Variants in PRR35 observed in about 807,000 individuals in gnomAD.
The protein encoded by PRR35 is proline-rich protein 35.
Under a neutral mutation model 18.6 loss-of-function variants are expected in PRR35, and 14 were observed. That is an observed-to-expected ratio of 0.75 (90% CI 0.50 to 1.18). The LOEUF is 1.18. PRR35 is among the 50% of genes most tolerant of loss of function. The pLI is 0.00. For synonymous variants in PRR35, 425 were observed against 378.2 expected, an observed-to-expected ratio of 1.12 and a Z score of -1.43; for missense variants, 832 against 792.2, an observed-to-expected ratio of 1.05 and a Z score of -0.60.
chr16:563,240 G>A lies in PRR35; in HGVS notation c.-39-16G>A. ...GTCAGAGGCAGGCTTGGCACTGACTGTGGCCCCATCTACAGGTGGCCATGG... is the reference window on the plus strand; with the variant it reads ...GTCAGAGGCAGGCTTGGCACTGACTATGGCCCCATCTACAGGTGGCCATGG... On this transcript the variant is annotated splice_polypyrimidine_tract_variant and intron_variant, in intron 1 of 2. Transcript: ENST00000409413. The A allele has an allele frequency of 5.9e-6, 9 of 1,521,922 alleles. No individual in the cohort carries two copies. The highest frequency in any genetic ancestry group is 7.9e-6 in the Non-Finnish European group (9 of 1,139,060). The allele number at this position is 1,521,922 out of a possible 1,614,324, so 94.3% of individuals were successfully genotyped here. A position where few individuals can be genotyped will look rare whatever the true frequency, so the allele number is the denominator to read the frequency against.
rs1300882008 is a variant in PRR35, at chr16:565,067, G to T, written c.1476G>T (p.Val492=). 4 of 1,593,854 alleles carry T rather than the reference G, an allele frequency of 2.5e-6. No individual in the cohort carries two copies. The highest frequency in any genetic ancestry group is 3.4e-6 in the Non-Finnish European group (4 of 1,170,290). ...EAWGRPELGP[V]LTGGTPEPPG... ...GGGGGCGGCCCGAGCTGGGTCCCGT[G>T]TTGACCGGGGGCACCCCCGAGCCAC... Residue 492 remains valine (V), a synonymous_variant, in exon 3 of 3, where the codon GTG becomes GTT. Coordinates refer to ENST00000409413, the MANE Select transcript of PRR35 (RefSeq NM_145270.3).
rs886715342 is a variant in PRR35, at chr16:560,606, T to C, written c.-95T>C. The C allele has an allele frequency of 2.4e-5, 24 of 982,498 alleles. No homozygotes were observed. The highest frequency in any genetic ancestry group is 2.8e-5 in the Non-Finnish European group (23 of 828,906). 60.9% of individuals were successfully genotyped at this position (982,498 alleles called of 1,614,324 possible). ...CGCGGGGCGGGGAGGGGCGGGAAGTTTGCGCCCTACACGCGGCCTCGCAGA... is the reference window on the plus strand; with the variant it reads ...CGCGGGGCGGGGAGGGGCGGGAAGTCTGCGCCCTACACGCGGCCTCGCAGA... On this transcript the variant is annotated 5_prime_UTR_variant, in exon 1 of 3. Transcript: ENST00000409413.
At position 565,114 on chromosome 16, in the gene PRR35, C is replaced by T. The variant is rs1161160571; in HGVS notation, c.1523C>T (p.Ala508Val). ...CCACCCGGCATGCTGGGCCCTGCAG[C>T]GCCCCAACCCTTCTCTGGCCACACC... is the stretch of plus-strand genomic sequence containing the variant. ...PEPPGMLGPA[A>V]PQPFSGHTTK... Residue 508 changes from alanine (A) to valine (V), a missense_variant, in exon 3 of 3, where the codon GCG (alanine) becomes GTG (valine). Ala to Val is a moderately conservative substitution (Grantham distance 64, BLOSUM62 0). Coordinates refer to ENST00000409413, the MANE Select transcript of PRR35 (RefSeq NM_145270.3). 15 of 1,600,098 alleles carry T rather than the reference C, an allele frequency of 9.4e-6. No homozygotes were observed. Among genetic ancestry groups the T allele is most frequent in the African/African-American group, 1.3e-5 (1 of 74,456 alleles).
intron 1 of PRR35, chr16:561,777 G>C (rs544551309): frequency 2.0e-6 from 2 of 985,338 alleles, no homozygotes; most frequent in Admixed American, 6.1e-5. Context: ...GCATGACCAC[G>C]GGTGCGACCC....
At position 563,640 on chromosome 16, in the gene PRR35, CT is replaced by C. The variant is rs757691816; in HGVS notation, c.347del (p.Leu116ProfsTer187). The C allele has an allele frequency of 6.3e-7, 1 of 1,578,632 alleles. No individual in the cohort carries two copies. Among genetic ancestry groups the C allele is most frequent in the Admixed American group, 1.8e-5 (1 of 56,764 alleles). On this transcript the variant is annotated frameshift_variant, in exon 2 of 3. Coordinates refer to ENST00000409413, the MANE Select transcript of PRR35 (RefSeq NM_145270.3). LOFTEE classifies it high-confidence loss of function. ...CACAGGTGCTGCCCCCGCGCCTGAC[CT>C]CGTGGTCGCCGACATCCACTCCCTG... ...RPTGAAPAPD[L>X]VVADIHSLHC... is the part of the protein sequence containing the mutation.
chr16:563,585 C>T lies in PRR35; in HGVS notation c.291C>T (p.Asp97=), dbSNP rs757950481. ...CCCCAGACCGCCCTGGGGAGTCCGA[C>T]CCCGGCAGGCAACCCCAGGGAGCAC... ...APTPDRPGES[D]PGRQPQGARP... The change falls in exon 2 of 3, where the codon GAC becomes GAT. Residue 97 remains aspartate (D), a synonymous_variant. Coordinates refer to ENST00000409413, the MANE Select transcript of PRR35 (RefSeq NM_145270.3). The T allele has an allele frequency of 6.3e-7, 1 of 1,599,634 alleles. No homozygotes were observed. Among genetic ancestry groups the T allele is most frequent in the South Asian group, 1.1e-5 (1 of 89,918 alleles).
rs1263861543 is a variant in PRR35, at chr16:565,280, GCAGAGCCCC to G, written c.1693_1701del (p.Ser565_Gln567del). ...AGACCCCTGAGGCTGTCTGTGGCCT[GCAGAGCCCC>G]CAGGGCGCCGAGGTCTGACCTGCAG... is the stretch of plus-strand genomic sequence containing the variant. On this transcript the variant is annotated inframe_deletion, in exon 3 of 3. Coordinates refer to ENST00000409413, the MANE Select transcript of PRR35 (RefSeq NM_145270.3). 9 of 1,542,944 alleles carry G rather than the reference GCAGAGCCCC, an allele frequency of 5.8e-6. No homozygotes were observed. Among genetic ancestry groups the G allele is most frequent in the Non-Finnish European group, 7.9e-6 (9 of 1,144,396 alleles).
Position 565,011 on chromosome 16 carries a change from G to A in PRR35, c.1420G>A (p.Ala474Thr), listed in dbSNP as rs370817097. The change falls in exon 3 of 3, where the codon GCC becomes ACC. Residue 474 changes from alanine (A) to threonine (T), a missense_variant. Physicochemically the swap from Ala to Thr is moderately conservative, Grantham distance 58. Transcript: ENST00000409413. ...CGACCTCTCTGTGAAACGTGCGCCCGCCAAGGGGCCCCAGGCTCTTGGAGA... is the reference window on the plus strand; with the variant it reads ...CGACCTCTCTGTGAAACGTGCGCCCACCAAGGGGCCCCAGGCTCTTGGAGA... ...PLDLSVKRAP[A>T]KGPQALGEAW... is the part of the protein sequence containing the mutation. The A allele has an allele frequency of 3.0e-5, 48 of 1,604,826 alleles. No individual in the cohort carries two copies. The highest frequency in any genetic ancestry group is 3.9e-5 in the Non-Finnish European group (46 of 1,176,996).
rs774363114 is a variant in PRR35, at chr16:563,540, G to T, written c.246G>T (p.Thr82=). Residue 82 remains threonine, a synonymous_variant, in exon 2 of 3, where the codon ACG becomes ACT. Transcript: ENST00000409413. ...GGGCGTGCCGCCGTGGCTCCACCAC[G>T]CCTAGGCCCCACGCACCCACCCCAG... ...PDWACRRGST[T]PRPHAPTPDR... The T allele has an allele frequency of 1.2e-6, 2 of 1,610,958 alleles. No individual in the cohort carries two copies. The highest frequency in any genetic ancestry group is 1.7e-6 in the Non-Finnish European group (2 of 1,179,138).
rs2035471343 is a variant in PRR35 at position 563,281 on chromosome 16, CAT to C, written c.-12_-11del. 6.3e-7 allele frequency: 1 copy of C among 1,593,830 alleles called. No individual in the cohort carries two copies. Among genetic ancestry groups the C allele is most frequent in the Admixed American group, 1.7e-5 (1 of 59,002 alleles). ...GTGGCCATGGTGCCCGGCCCTGCCT[CAT>C]AGCAGGCTGCCATGTCGCGGGAGGC... On this transcript the variant is annotated 5_prime_UTR_variant, in exon 2 of 3. The change abolishes the stop of an existing upstream ORF in the 5' untranslated region. Transcript: ENST00000409413.
rs1334498706 is a variant in PRR35 at position 564,221 on chromosome 16, G to C, written c.927G>C (p.Leu309=). The C allele has an allele frequency of 2.5e-6, 4 of 1,570,466 alleles. No individual in the cohort carries two copies. The change falls in exon 2 of 3, where the codon CTG becomes CTC. Residue 309 remains leucine (L), a synonymous_variant. Transcript: ENST00000409413. ...PGLLKVPVPG[L]GPWPRVTPRD... ...TGCTGAAGGTGCCAGTTCCAGGGCTGGGGCCCTGGCCCCGAGTCACCCCCA... is the reference window on the plus strand; with the variant it reads ...TGCTGAAGGTGCCAGTTCCAGGGCTCGGGCCCTGGCCCCGAGTCACCCCCA...
Position 564,320 on chromosome 16 carries a change from C to T in PRR35, c.1026C>T (p.Ser342=), listed in dbSNP as rs988900175. ...SDPRRRLSLG[S]RLELPKASPS... ...CCAGGAGGAGGCTGTCCCTGGGAAG[C>T]AGGCTGGAGCTTCCGAAGGCATCCC... Residue 342 remains serine (S), a synonymous_variant, in exon 2 of 3, where the codon AGC becomes AGT. Transcript: ENST00000409413. 6.3e-7 allele frequency: 1 copy of T among 1,580,022 alleles called. No homozygotes were observed. Among genetic ancestry groups the T allele is most frequent in the Non-Finnish European group, 8.6e-7 (1 of 1,168,522 alleles).
intron 1 of PRR35, among the ~76,000 whole-genome samples, chr16:560,944 G>A (rs1475670475): frequency 6.6e-6 from 1 of 150,914 alleles, no homozygotes; most frequent in African/African-American, 2.4e-5. Context: ...CGGGGGGGGG[G>A]GCAGCAGGAT....
At position 564,250 on chromosome 16, in the gene PRR35, AC is replaced by A; in HGVS notation, c.959del (p.Pro320GlnfsTer34). The A allele has an allele frequency of 6.3e-7, 1 of 1,577,290 alleles. No individual in the cohort carries two copies. The highest frequency in any genetic ancestry group is 8.6e-7 in the Non-Finnish European group (1 of 1,166,816). ...LGPWPRVTPR[D>X]PGQEGELERA... ...CCCTGGCCCCGAGTCACCCCCAGGG[AC>A]CCAGGGCAGGAGGGGGAGCTGGAGC... On this transcript the variant is annotated frameshift_variant, in exon 2 of 3. Coordinates refer to ENST00000409413, the MANE Select transcript of PRR35 (RefSeq NM_145270.3). LOFTEE classifies it high-confidence loss of function.
In PRR35 at chr16:560,421, G is replaced by C. The variant is rs2035413333; in HGVS notation, c.-280G>C. On this transcript the variant is annotated 5_prime_UTR_variant, in exon 1 of 3. Transcript: ENST00000409413. ...CTTCGGGAGGTGCGAGCGGCGTCGG[G>C]GGGACGCGGGCGGCGGCGGAGGCTG... 1 of 983,178 alleles carries C rather than the reference G, an allele frequency of 1.0e-6. No individual in the cohort carries two copies. Among genetic ancestry groups the C allele is most frequent in the Non-Finnish European group, 1.2e-6 (1 of 829,072 alleles). 60.9% of individuals were successfully genotyped at this position (983,178 alleles called of 1,614,324 possible).
rs202163594 is a variant in PRR35 at position 563,524 on chromosome 16, G to T, written c.230G>T (p.Arg77Leu). Residue 77 changes from arginine to leucine, a missense_variant, in exon 2 of 3, where the codon CGC becomes CTC. This residue lies in a region of PRR35 where 768 missense variants were observed against 704.1 expected (regional missense o/e 1.09). Coordinates refer to ENST00000409413, the MANE Select transcript of PRR35 (RefSeq NM_145270.3). Reference sequence around the variant, plus strand: ...CTAGACTCCCCAGACTGGGCGTGCCGCCGTGGCTCCACCACGCCTAGGCCC... The same window carrying T: ...CTAGACTCCCCAGACTGGGCGTGCCTCCGTGGCTCCACCACGCCTAGGCCC... Reference protein sequence around the residue: ...LLLDSPDWACRRGSTTPRPHA... With the variant: ...LLLDSPDWACLRGSTTPRPHA... 2.5e-6 allele frequency: 4 copies of T among 1,611,654 alleles called. No individual in the cohort carries two copies. Among genetic ancestry groups the T allele is most frequent in the Non-Finnish European group, 3.4e-6 (4 of 1,179,370 alleles).
Position 565,241 on chromosome 16 carries a change from G to A in PRR35, c.1650G>A (p.Ala550=), listed in dbSNP as rs547328716. Reference sequence around the variant, plus strand: ...GCAGTGGCTGGGGCACCTGTGTTGCGACGAGGAGTTCCCAGACCCCTGAGG... The same window carrying A: ...GCAGTGGCTGGGGCACCTGTGTTGCAACGAGGAGTTCCCAGACCCCTGAGG... The part of the protein sequence containing the change: ...IPGSGWGTCV[A]TRSSQTPEAV... Residue 550 remains alanine (A), a synonymous_variant, in exon 3 of 3, where the codon GCG becomes GCA. Transcript: ENST00000409413. 1.3e-5 allele frequency: 21 copies of A among 1,602,298 alleles called. No homozygotes were observed. The highest frequency in any genetic ancestry group is 4.5e-5 in the South Asian group (4 of 89,118).
chr16:560,286 G>C (rs1375841465), upstream of PRR35: 1 of 908,960 alleles, frequency 1.1e-6, no homozygotes, highest in Non-Finnish European at 1.3e-6. Context: ...CGGGGGCGCG[G>C]GGTTCGGGCC....
rs1171032465 is a variant in PRR35 at position 564,366 on chromosome 16, T to A, written c.1072T>A (p.Ser358Thr). ...KASPSLTRFC[S>T]RSSLPTGSSV... ...ATCCCCCAGCCTGACAAGGTTCTGT[T>A]CCCGGAGCAGGTGGGCGTCTTGGGC... Residue 358 changes from serine to threonine, a missense_variant, in exon 2 of 3, where the codon TCC (serine) becomes ACC (threonine). Transcript: ENST00000409413. The A allele has an allele frequency of 1.1e-5, 17 of 1,589,246 alleles. No individual in the cohort carries two copies. The highest frequency in any genetic ancestry group is 1.4e-5 in the Non-Finnish European group (17 of 1,175,302).
Sources: gnomAD v4.1 joint callset for allele counts (sites outside exome capture counted in the v4.1 genomes callset) on GRCh38, gnomAD v4.1.1 for gene constraint, gnomAD v4.1.1 regional missense constraint, MANE v1.5 for transcripts, NCBI Gene and HGNC (gene_info 2026-07-23, HGNC 2026-07-21) for gene names.